The following IL1RAPL1 variants were observed in gnomAD, a reference collection of about 807,000 sequenced individuals.
IL1RAPL1 encodes interleukin 1 receptor accessory protein like 1.
IL1RAPL1 carries 3 observed loss-of-function variants against 48.4 expected under a neutral mutation model. The observed-to-expected ratio is 0.06, with a 90% CI of 0.03 to 0.16. The LOEUF (loss-of-function observed/expected upper bound fraction) is 0.16. IL1RAPL1 is among the 10% of genes least tolerant of loss of function. The pLI, the probability that IL1RAPL1 is intolerant of heterozygous loss-of-function variation, is 1.00. For missense variants in IL1RAPL1, 349 were observed against 530.6 expected (o/e 0.66, Z 3.36); for synonymous variants, 185 against 187.7 (o/e 0.99, Z 0.12).
In IL1RAPL1 at chrX:29,726,154, A is replaced by G. The variant is rs1166453379; in HGVS notation, c.778+57650A>G. Among the ~76,000 whole-genome samples the G allele has an allele frequency of 9.8e-5, 11 of 112,470 alleles. No homozygotes were observed. The Admixed American group carries it at 1.0e-3, about 11-fold the overall frequency. ...TCTTCCAGAAATAAAAAATTTAGAA[A>G]CAAAACATTGAGGGACATTTTAGGT... On this transcript the variant is annotated intron_variant, in intron 6 of 10. Coordinates refer to ENST00000378993, the MANE Select transcript of IL1RAPL1 (RefSeq NM_014271.4).
At chrX:29,099,466 C>T (rs1450895222) in intron 2 of IL1RAPL1, among the ~76,000 whole-genome samples, 1 of 111,601 alleles carries the variant, frequency 9.0e-6, no homozygotes, top group Non-Finnish European at 1.9e-5. Context: ...TTATTTGGTC[C>T]TTACAATAAC....
intron 2 of IL1RAPL1, among the ~76,000 whole-genome samples, chrX:29,089,720 G>T (rs1352761761): frequency 1.5e-5 from 1 of 64,737 alleles, no homozygotes; most frequent in Non-Finnish European, 2.7e-5. Flanking sequence ...GTCGTCGTTC[G>T]TTTTTCTACA....
rs191280232 is a variant in IL1RAPL1, at chrX:28,605,128, A to G, written c.-25+17081A>G. On this transcript the variant is annotated intron_variant, in intron 1 of 10. Coordinates refer to ENST00000378993, the MANE Select transcript of IL1RAPL1 (RefSeq NM_014271.4). ...ACTCTTGGCTGTCTTCTCAGTCTAC[A>G]CTCACCCCTTAGTGATTTCATTCAC... is the stretch of plus-strand genomic sequence containing the variant. 2.7e-3 allele frequency among the ~76,000 whole-genome samples: 296 copies of G among 111,223 alleles called. 1 individual carries two copies. The highest frequency in any genetic ancestry group is 8.9e-3 in the African/African-American group (271 of 30,608).
chrX:28,696,452 A>G (rs180772916), intron 1 of IL1RAPL1, among the ~76,000 whole-genome samples: 20 of 111,660 alleles, frequency 1.8e-4, no homozygotes, highest in Admixed American at 1.6e-3. Flanking sequence ...GAAGGAATAA[A>G]TTTTAGCATT....
chrX:29,181,991 T>G (rs1253136258), intron 2 of IL1RAPL1, among the ~76,000 whole-genome samples: 2 of 111,446 alleles, frequency 1.8e-5, no homozygotes, highest in Non-Finnish European at 3.8e-5. Flanking sequence ...AATAGTGTCT[T>G]TGTGTGTAAT....
intron 5 of IL1RAPL1, among the ~76,000 whole-genome samples, chrX:29,539,738 G>A (rs999189654): frequency 2.7e-5 from 3 of 110,897 alleles, no homozygotes; most frequent in African/African-American, 6.6e-5. Flanking sequence ...CCCCTCTTGC[G>A]TTCCACCATG....
intron 6 of IL1RAPL1, among the ~76,000 whole-genome samples, chrX:29,903,768 T>C (rs1932549993): frequency 8.9e-6 from 1 of 111,906 alleles, no homozygotes; most frequent in African/African-American, 3.2e-5. Context: ...ATAGGAATGA[T>C]TTTTTATGAT....
intron 2 of IL1RAPL1, among the ~76,000 whole-genome samples, chrX:28,910,487 GGAAA>G (rs1923331071): frequency 9.1e-6 from 1 of 109,575 alleles, no homozygotes; most frequent in African/African-American, 3.3e-5. Flanking sequence ...AAGCAGAAGA[GGAAA>G]GAATTTCAAG....
intron 1 of IL1RAPL1, among the ~76,000 whole-genome samples, chrX:28,631,227 G>T (rs1189943783): frequency 1.8e-5 from 2 of 111,461 alleles, no homozygotes; most frequent in Non-Finnish European, 3.8e-5. Flanking sequence ...ACTGTCTTGT[G>T]CCTGTGCTTT....
At chrX:29,125,641 C>T (rs1184644207) in intron 2 of IL1RAPL1, among the ~76,000 whole-genome samples, 2 of 111,093 alleles carry the variant, frequency 1.8e-5, no homozygotes, top group Non-Finnish European at 3.8e-5. Flanking sequence ...TCACCATTTG[C>T]TGTTTGGAAT....
chrX:29,687,028 A>G (rs1373423079), intron 6 of IL1RAPL1, among the ~76,000 whole-genome samples: 5 of 111,362 alleles, frequency 4.5e-5, no homozygotes, highest in African/African-American at 6.5e-5. Flanking sequence ...GATATGGAGA[A>G]TAAACCCTTC....
intron 3 of IL1RAPL1, among the ~76,000 whole-genome samples, chrX:29,343,298 C>T (rs895122714): frequency 6.3e-5 from 7 of 111,259 alleles, no homozygotes; most frequent in African/African-American, 2.3e-4. Context: ...ATTTTTGTTC[C>T]CAGTGAGTCC....
chrX:29,921,057 T>C (rs757112167), intron 8 of IL1RAPL1, among the ~76,000 whole-genome samples: 5 of 111,745 alleles, frequency 4.5e-5, no homozygotes, highest in South Asian at 3.7e-4. Flanking sequence ...GCAATGTCTG[T>C]TGTGCTAACT....
At chrX:29,383,928 TAGAA>T (rs1200827014) in intron 3 of IL1RAPL1, among the ~76,000 whole-genome samples, 1 of 112,370 alleles carries the variant, frequency 8.9e-6, no homozygotes, top group East Asian at 2.8e-4. Flanking sequence ...GCTTTAATCA[TAGAA>T]AGGAAGCTGG....
intron 5 of IL1RAPL1, among the ~76,000 whole-genome samples, chrX:29,629,871 C>T (rs919660172): frequency 4.6e-4 from 51 of 112,001 alleles, no homozygotes; most frequent in African/African-American, 1.6e-3. Flanking sequence ...GCATCTTCCT[C>T]TCCCACTGGC....
At chrX:29,267,760 A>G (rs769226001) in intron 2 of IL1RAPL1, among the ~76,000 whole-genome samples, 2 of 112,032 alleles carry the variant, frequency 1.8e-5, no homozygotes, top group Non-Finnish European at 3.8e-5. Flanking sequence ...CCTTGGGTGG[A>G]CTAGTTTCAC....
chrX:29,695,610 G>GAGAGAA (rs1186376499), intron 6 of IL1RAPL1, among the ~76,000 whole-genome samples: 1 of 109,510 alleles, frequency 9.1e-6, no homozygotes. Context: ...GAGAGAGAGA[G>GAGAGAA]AGAGAGAGAG....
At chrX:29,381,830 AAAAATAT>A (rs1228069063) in intron 3 of IL1RAPL1, among the ~76,000 whole-genome samples, 25 of 32,602 alleles carry the variant, frequency 7.7e-4, no homozygotes, top group African/African-American at 1.8e-3. Flanking sequence ...AAAAAAAAAA[AAAAATAT>A]ATATATATAT....
intron 3 of IL1RAPL1, among the ~76,000 whole-genome samples, chrX:29,341,550 C>G (rs1397809512): frequency 9.0e-6 from 1 of 111,428 alleles, no homozygotes; most frequent in African/African-American, 3.3e-5. Context: ...AAAGTTGAGT[C>G]TGAAGGGCAA....
Sources: allele counts gnomAD v4.1 joint callset (sites outside exome capture counted in the v4.1 genomes callset), GRCh38; gene constraint gnomAD v4.1.1; transcripts MANE v1.5; gene names NCBI Gene and HGNC (gene_info 2026-07-23, HGNC 2026-07-21).